The following L3HYPDH variants were observed in gnomAD, a reference collection of about 807,000 sequenced individuals.
The protein encoded by L3HYPDH is trans-L-3-hydroxyproline dehydratase, also known as trans-3-hydroxy-L-proline dehydratase.
A neutral mutation model predicts 26.5 loss-of-function variants in L3HYPDH; 32 were observed. The ratio of observed to expected loss-of-function variants is 1.21; its 90% CI spans 0.91 to 1.62. The LOEUF (loss-of-function observed/expected upper bound fraction) is 1.62, where lower values mean the gene tolerates loss of function less well. Ranked by LOEUF, L3HYPDH falls within the 40% of genes most tolerant of loss-of-function variation. L3HYPDH has a pLI of 0.00. For synonymous variants in L3HYPDH, 215 were observed against 196.6 expected, an observed-to-expected ratio of 1.09 and a Z score of -0.78; for missense variants, 554 against 476.4, an observed-to-expected ratio of 1.16 and a Z score of -1.52.
intron 2 of L3HYPDH, among the ~76,000 whole-genome samples, chr14:59,477,096 T>G (rs1292026559): frequency 6.6e-6 from 1 of 152,200 alleles, no homozygotes; most frequent in Non-Finnish European, 1.5e-5. Flanking sequence ...GCCTGCAGAT[T>G]GAATCTTTGT....
chr14:59,504,408 AAC>A, the L3HYPDH span: 2 of 236,968 alleles, frequency 8.4e-6, no homozygotes, highest in Non-Finnish European at 1.6e-5. Flanking sequence ...GAAAAGCTTT[AAC>A]ACGTGTAATC....
chr14:59,499,861 C>CTCCTCTA, the L3HYPDH span, among the ~76,000 whole-genome samples: 1 of 152,182 alleles, frequency 6.6e-6, no homozygotes, highest in African/African-American at 2.4e-5. Flanking sequence ...TTCCCTCTAG[C>CTCCTCTA]TCCTCTATTT....
the L3HYPDH span, among the ~76,000 whole-genome samples, chr14:59,490,725 C>T: frequency 6.6e-6 from 1 of 152,028 alleles, no homozygotes; most frequent in Non-Finnish European, 1.5e-5. Flanking sequence ...CAGCTTTCAT[C>T]CAGTTTTTAA....
chr14:59,494,948 G>A, the L3HYPDH span: 10 of 1,055,814 alleles, frequency 9.5e-6, no homozygotes, highest in Non-Finnish European at 1.4e-5. Flanking sequence ...CTTGACACAT[G>A]TACATGTTTT....
At chr14:59,503,476 T>A in the L3HYPDH span, among the ~76,000 whole-genome samples, 2 of 152,182 alleles carry the variant, frequency 1.3e-5, no homozygotes, top group South Asian at 4.1e-4. Flanking sequence ...TTCCCACCTG[T>A]AGATCCATAG....
At chr14:59,486,932 G>A (rs1219813341), upstream of L3HYPDH, 4 of 685,996 alleles carry the variant, frequency 5.8e-6, no homozygotes, top group African/African-American at 3.6e-5. Context: ...CAGGCGCAGT[G>A]GCTCATGCCT....
chr14:59,484,922 G>A (rs1197444203), upstream of L3HYPDH: 10 of 1,456,844 alleles, frequency 6.9e-6, no homozygotes, highest in East Asian at 2.4e-4. Flanking sequence ...GGGTGATAGT[G>A]CAGAAAAAAC....
the L3HYPDH span, chr14:59,504,012 GT>G: frequency 4.3e-6 from 7 of 1,613,554 alleles, no homozygotes; most frequent in African/African-American, 1.3e-5. Context: ...TTTTTTACTT[GT>G]TCACTGCAAA....
At chr14:59,503,606 A>G in the L3HYPDH span, among the ~76,000 whole-genome samples, 14 of 152,178 alleles carry the variant, frequency 9.2e-5, no homozygotes, top group Non-Finnish European at 4.4e-5. Context: ...AGGACTTAAG[A>G]GACATGATGA....
At chr14:59,484,481 C>T, upstream of L3HYPDH, 3 of 1,446,852 alleles carry the variant, frequency 2.1e-6, no homozygotes, top group East Asian at 4.9e-5. Flanking sequence ...GGAGCTGTCG[C>T]CCGGGTTACC....
chr14:59,495,281 T>C, the L3HYPDH span: 2 of 1,338,416 alleles, frequency 1.5e-6, no homozygotes, highest in East Asian at 2.3e-5. Context: ...TGAGGATTAT[T>C]ATAGATTTTA....
chr14:59,479,261 A>C lies in L3HYPDH; in HGVS notation c.599T>G (p.Leu200Ter). The C allele has an allele frequency of 9.9e-6, 16 of 1,613,864 alleles. No individual in the cohort carries two copies. The highest frequency in any genetic ancestry group is 1.3e-5 in the Non-Finnish European group (15 of 1,179,954). Reference sequence around the variant, plus strand: ...CTTTGCAGAACAAATGTCTAGTCCTAACTTTTCAGCAGTAACAAATGCATA... The same window carrying C: ...CTTTGCAGAACAAATGTCTAGTCCTCACTTTTCAGCAGTAACAAATGCATA... The part of the protein sequence containing the change: ...AFYAFVTAEK[L>*]GLDICSAKTR... Residue 200 changes from leucine (L) to a stop codon, truncating the protein, a stop_gained, in exon 2 of 5, where the codon TTA (leucine) becomes TGA (stop). Transcript: ENST00000247194. LOFTEE classifies it high-confidence loss of function.
At chr14:59,502,760 T>TGTTTTGTTTTGTTTTGTTTTTTTGTTTTG in the L3HYPDH span, among the ~76,000 whole-genome samples, 16 of 130,150 alleles carry the variant, frequency 1.2e-4, no homozygotes, top group South Asian at 5.3e-4. Context: ...ATTTTTTTTT[T>TGTTTTGTTTTGTTTTGTTTTTTTGTTTTG]TTTTTTTTTT....
the L3HYPDH span, among the ~76,000 whole-genome samples, chr14:59,502,844 C>T: frequency 5.9e-5 from 8 of 135,786 alleles, no homozygotes; most frequent in Non-Finnish European, 1.2e-4. Context: ...TTCCACCTCT[C>T]GGGTTCAAGT....
At chr14:59,487,777 T>A, upstream of L3HYPDH, 1 of 1,613,588 alleles carries the variant, frequency 6.2e-7, no homozygotes, top group Middle Eastern at 1.7e-4. Flanking sequence ...ATGGCAATGC[T>A]TCCTCTGGTT....
At chr14:59,469,145 T>G (rs1490527173), downstream of L3HYPDH, among the ~76,000 whole-genome samples, 1 of 152,202 alleles carries the variant, frequency 6.6e-6, no homozygotes, top group Non-Finnish European at 1.5e-5. Flanking sequence ...CCTTATGTCA[T>G]TTCTCAAGAT....
intron 1 of L3HYPDH, among the ~76,000 whole-genome samples, chr14:59,482,357 C>G (rs1890081641): frequency 6.6e-6 from 1 of 152,188 alleles, no homozygotes; most frequent in South Asian, 2.1e-4. Context: ...ATTGTACTGT[C>G]ATACAGTGAT....
chr14:59,465,970 C>G (rs1032636342), intron 1 of L3HYPDH, among the ~76,000 whole-genome samples: 4 of 152,186 alleles, frequency 2.6e-5, no homozygotes, highest in Non-Finnish European at 5.9e-5. Flanking sequence ...CCCAGGACCA[C>G]ACTTACAGAA....
chr14:59,470,441 C>T (rs930424458), downstream of L3HYPDH, among the ~76,000 whole-genome samples: 3 of 152,176 alleles, frequency 2.0e-5, no homozygotes, highest in Admixed American at 2.0e-4. Flanking sequence ...GGTGACCTAA[C>T]TCTTACTGAG....
Sources: allele counts gnomAD v4.1 joint callset (sites outside exome capture counted in the v4.1 genomes callset), GRCh38; gene constraint gnomAD v4.1.1; transcripts MANE v1.5; gene names NCBI Gene and HGNC (gene_info 2026-07-23, HGNC 2026-07-21).